Variants in TLK2 observed in about 807,000 individuals in gnomAD.
TLK2 encodes tousled like kinase 2.
In TLK2, 6 loss-of-function variants were observed where a neutral mutation model predicts 117.3. The ratio of observed to expected loss-of-function variants is 0.05; its 90% CI spans 0.03 to 0.10. The LOEUF is 0.10. Ranked by LOEUF, TLK2 falls within the 10% of genes least tolerant of loss-of-function variation. The pLI, the probability that TLK2 is intolerant of heterozygous loss-of-function variation, is 1.00. For synonymous variants in TLK2, 257 were observed against 316.7 expected, an observed-to-expected ratio of 0.81 and a Z score of 2.00; for missense variants, 299 against 901.2, an observed-to-expected ratio of 0.33 and a Z score of 8.56.
At chr17:62,546,344 G>GATTGTTTTTTTTTTTTTT (rs1555628572) in intron 7 of TLK2, among the ~76,000 whole-genome samples, 4 of 23,346 alleles carry the variant, frequency 1.7e-4, no homozygotes, top group Non-Finnish European at 3.8e-4. Flanking sequence ...TTTGTTGATT[G>GATTGTTTTTTTTTTTTTT]TTTTTTTTTT....
intron 2 of TLK2, among the ~76,000 whole-genome samples, chr17:62,510,181 G>A (rs1032594672): frequency 6.6e-6 from 1 of 152,158 alleles, no homozygotes; most frequent in Middle Eastern, 3.2e-3. Context: ...GCTGAGGCAG[G>A]AGGATTGCTT....
At chr17:62,488,946 C>T (rs2072792642) in intron 2 of TLK2, among the ~76,000 whole-genome samples, 1 of 151,246 alleles carries the variant, frequency 6.6e-6, no homozygotes, top group Admixed American at 6.6e-5. Context: ...CCGCCTCAGC[C>T]TCCTGAGTAG....
chr17:62,532,584 G>A (rs1228961901), intron 6 of TLK2, among the ~76,000 whole-genome samples: 1 of 152,148 alleles, frequency 6.6e-6, no homozygotes, highest in Non-Finnish European at 1.5e-5. Flanking sequence ...TATTCATGCA[G>A]ATTATGAAAG....
intron 6 of TLK2, among the ~76,000 whole-genome samples, chr17:62,528,609 G>A (rs1245744959): frequency 6.6e-6 from 1 of 151,994 alleles, no homozygotes; most frequent in Non-Finnish European, 1.5e-5. Flanking sequence ...TAGACACGAG[G>A]TTTCGCCATG....
intron 2 of TLK2, among the ~76,000 whole-genome samples, chr17:62,514,218 A>T (rs7218922): frequency 6.6e-6 from 1 of 150,768 alleles, no homozygotes; most frequent in African/African-American, 2.4e-5. Flanking sequence ...ATCTCAGCTT[A>T]TTGCAACCTC....
rs1598731359 is a variant in TLK2 at position 62,580,336 on chromosome 17, A to G, written c.1368+144A>G. The G allele has an allele frequency of 2.4e-5, 13 of 540,620 alleles. No individual in the cohort carries two copies. In the East Asian group the frequency reaches 4.0e-4, roughly 17 times the overall value. 33.5% of individuals were successfully genotyped at this position (540,620 alleles called of 1,614,324 possible). A position where few individuals can be genotyped will look rare whatever the true frequency, so the allele number is the denominator to read the frequency against. Reference sequence around the variant, plus strand: ...CTTTAAAAACCTGTATCTTTGGGAAAACAGCTTTCAATAAACCTAAGTGAC... The same window carrying G: ...CTTTAAAAACCTGTATCTTTGGGAAGACAGCTTTCAATAAACCTAAGTGAC... On this transcript the variant is annotated intron_variant, in intron 15 of 21. Transcript: ENST00000346027.
chr17:62,512,389 A>G (rs2145281272), intron 2 of TLK2, among the ~76,000 whole-genome samples: 1 of 151,430 alleles, frequency 6.6e-6, no homozygotes, highest in Middle Eastern at 3.4e-3. Context: ...CGCCTGGCTA[A>G]TTTTGTATTT....
chr17:62,603,550 T>G (rs148013684), intron 19 of TLK2, among the ~76,000 whole-genome samples: 70 of 152,268 alleles, frequency 4.6e-4, no homozygotes, highest in African/African-American at 1.7e-3. Context: ...GGCACAGTTT[T>G]TTTGCATTTA....
intron 6 of TLK2, among the ~76,000 whole-genome samples, chr17:62,534,212 T>A (rs1365086549): frequency 4.6e-5 from 7 of 152,314 alleles, no homozygotes; most frequent in South Asian, 4.1e-4. Context: ...CAAAAACAAC[T>A]GCCCAAGAAA....
At chr17:62,576,185 A>C (rs1296970478) in intron 12 of TLK2, among the ~76,000 whole-genome samples, 1 of 152,338 alleles carries the variant, frequency 6.6e-6, no homozygotes, top group South Asian at 2.1e-4. Flanking sequence ...TGAGTTAAAG[A>C]GGTTAAATTT....
intron 2 of TLK2, chr17:62,516,348 A>G (rs2075588484): frequency 2.7e-6 from 4 of 1,504,240 alleles, no homozygotes; most frequent in Admixed American, 1.7e-5. Context: ...CACGTCCACA[A>G]CCAAATCCGC....
intron 15 of TLK2, among the ~76,000 whole-genome samples, chr17:62,584,334 C>T (rs900302593): frequency 6.6e-6 from 1 of 151,178 alleles, no homozygotes; most frequent in Non-Finnish European, 1.5e-5. Flanking sequence ...TTAGGATGGT[C>T]TCGATCTCCC....
At chr17:62,581,111 C>T (rs1037015576) in intron 15 of TLK2, among the ~76,000 whole-genome samples, 3 of 151,998 alleles carry the variant, frequency 2.0e-5, no homozygotes, top group Admixed American at 1.3e-4. Context: ...CTGCTGGGCA[C>T]AAGCAAGCCT....
chr17:62,585,280 C>T (rs1272681659), intron 15 of TLK2, among the ~76,000 whole-genome samples: 4 of 152,224 alleles, frequency 2.6e-5, no homozygotes, highest in African/African-American at 7.2e-5. Flanking sequence ...CAGTGGCTCA[C>T]GCCTGTAATC....
chr17:62,483,320 A>G (rs2071917901), intron 2 of TLK2, among the ~76,000 whole-genome samples: 1 of 152,110 alleles, frequency 6.6e-6, no homozygotes. Context: ...TATACTTTTG[A>G]TGGAGTAGGG....
chr17:62,474,473 G>A (rs556932796), upstream of TLK2, among the ~76,000 whole-genome samples: 528 of 151,286 alleles, frequency 3.5e-3, 6 homozygotes, highest in African/African-American at 0.012. Flanking sequence ...GCAGTGGTGC[G>A]GTCTCGGCTT....
chr17:62,506,045 C>G (rs1308143540), intron 2 of TLK2, among the ~76,000 whole-genome samples: 1 of 152,198 alleles, frequency 6.6e-6, no homozygotes, highest in Non-Finnish European at 1.5e-5. Context: ...TAGTTTAACT[C>G]TGAGCCATGG....
intron 2 of TLK2, among the ~76,000 whole-genome samples, chr17:62,483,646 C>T (rs955096633): frequency 6.6e-6 from 1 of 151,792 alleles, no homozygotes; most frequent in Non-Finnish European, 1.5e-5. Context: ...GGATTACAGG[C>T]GTGCGCCACT....
At chr17:62,603,267 T>C (rs186722454) in intron 19 of TLK2, among the ~76,000 whole-genome samples, 1 of 152,290 alleles carries the variant, frequency 6.6e-6, no homozygotes, top group East Asian at 1.9e-4. Flanking sequence ...ATGGACACAA[T>C]GCCCCGGTTT....
Sources: gnomAD v4.1 joint callset for allele counts (sites outside exome capture counted in the v4.1 genomes callset) on GRCh38, gnomAD v4.1.1 for gene constraint, MANE v1.5 for transcripts, NCBI Gene and HGNC (gene_info 2026-07-23, HGNC 2026-07-21) for gene names.